SRGAP3: variants seen among roughly 807,000 people sequenced by gnomAD.
SRGAP3 encodes SLIT-ROBO Rho GTPase activating protein 3.
A neutral mutation model predicts 121.1 loss-of-function variants in SRGAP3; 39 were observed. The observed-to-expected ratio is 0.32, with a 90% CI of 0.25 to 0.42. SRGAP3 has a LOEUF of 0.42. SRGAP3 is among the 10% of genes least tolerant of loss of function. The probability of loss-of-function intolerance (pLI) is 1.00; values close to 1 mark genes in which losing one functional copy is unlikely to be tolerated. For synonymous variants in SRGAP3, 601 were observed against 570.0 expected (o/e 1.05, Z -0.77); for missense variants, 1,213 against 1,470.6 (o/e 0.82, Z 2.86).
rs1339477066 is a variant in SRGAP3, at chr3:9,130,815, C to T, written c.68-5898G>A. Among the ~76,000 whole-genome samples, 3 of 152,350 alleles carry T rather than the reference C, an allele frequency of 2.0e-5. No individual in the cohort carries two copies. In the East Asian group the frequency reaches 5.8e-4, roughly 29 times the overall value. On this transcript the variant is annotated intron_variant, in intron 1 of 21. Transcript: ENST00000383836. ...AGCCACAGCCTTCCTCATTACAGAG[C>T]ATTATCAGGAGATGACATTCTCATA...
intron 9 of SRGAP3, among the ~76,000 whole-genome samples, chr3:9,052,666 G>A (rs1187320692): frequency 6.6e-6 from 1 of 152,174 alleles, no homozygotes; most frequent in Non-Finnish European, 1.5e-5. Context: ...CTAAATTTAA[G>A]ACAATTCAAC....
intron 3 of SRGAP3, among the ~76,000 whole-genome samples, chr3:9,316,007 G>C (rs1443862474): frequency 6.6e-6 from 1 of 152,174 alleles, no homozygotes; most frequent in Non-Finnish European, 1.5e-5. Context: ...TCACAGGTTA[G>C]AGTCAAACAG....
At chr3:9,278,204 T>C (rs942902933) in intron 3 of SRGAP3, among the ~76,000 whole-genome samples, 1 of 152,130 alleles carries the variant, frequency 6.6e-6, no homozygotes, top group African/African-American at 2.4e-5. Context: ...TAAACTTGAG[T>C]CTGTTTGATC....
intron 1 of SRGAP3, among the ~76,000 whole-genome samples, chr3:9,229,849 G>T (rs1408425456): frequency 6.6e-6 from 1 of 152,160 alleles, no homozygotes; most frequent in Admixed American, 6.5e-5. Flanking sequence ...CCTGCTAAGC[G>T]CTCTGCTTCC....
intron 3 of SRGAP3, among the ~76,000 whole-genome samples, chr3:9,318,776 G>A (rs1392821293): frequency 6.6e-6 from 1 of 151,512 alleles, no homozygotes; most frequent in African/African-American, 2.4e-5. Context: ...CTACTTAGGA[G>A]GCTGAGATGG....
chr3:9,258,132 T>C (rs1404001917), intron 3 of SRGAP3, among the ~76,000 whole-genome samples: 1 of 152,144 alleles, frequency 6.6e-6, no homozygotes, highest in Non-Finnish European at 1.5e-5. Flanking sequence ...AAACAGGCAA[T>C]TGTAATTCAA....
chr3:9,029,210 T>C (rs539544380), intron 12 of SRGAP3, among the ~76,000 whole-genome samples: 1 of 152,370 alleles, frequency 6.6e-6, no homozygotes, highest in Admixed American at 6.5e-5. Flanking sequence ...GTGCTTACTA[T>C]GTGCCATCCA....
chr3:9,281,679 G>T (rs1433497003), intron 3 of SRGAP3, among the ~76,000 whole-genome samples: 3 of 152,052 alleles, frequency 2.0e-5, no homozygotes, highest in Non-Finnish European at 4.4e-5. Context: ...TTGTTTGTTT[G>T]TTTGTTTGTT....
chr3:9,276,428 GTTT>G (rs61126627), intron 3 of SRGAP3, among the ~76,000 whole-genome samples: 3 of 134,736 alleles, frequency 2.2e-5, no homozygotes, highest in Non-Finnish European at 4.8e-5. Flanking sequence ...TTGACTGTTT[GTTT>G]TTTTTTTTTT....
chr3:9,237,477 T>G (rs1184621106), intron 1 of SRGAP3, among the ~76,000 whole-genome samples: 1 of 152,296 alleles, frequency 6.6e-6, no homozygotes, highest in South Asian at 2.1e-4. Context: ...TCATATAGCT[T>G]TTAGTGCTCT....
intron 1 of SRGAP3, among the ~76,000 whole-genome samples, chr3:9,200,836 A>C (rs1952046131): frequency 6.6e-6 from 1 of 152,222 alleles, no homozygotes; most frequent in Non-Finnish European, 1.5e-5. Flanking sequence ...AGCAATCTAC[A>C]GCTTACTAAG....
chr3:9,266,417 T>C (rs1954369759), intron 3 of SRGAP3, among the ~76,000 whole-genome samples: 2 of 152,086 alleles, frequency 1.3e-5, no homozygotes, highest in Admixed American at 1.3e-4. Flanking sequence ...CAGGGGATCA[T>C]TGTTTAGGCA....
chr3:9,134,706 G>A (rs1323218990), intron 1 of SRGAP3, among the ~76,000 whole-genome samples: 1 of 152,058 alleles, frequency 6.6e-6, no homozygotes, highest in South Asian at 2.1e-4. Context: ...ATCATGTCCT[G>A]TTGTACCTCC....
At chr3:9,075,385 G>A (rs1451030683) in intron 4 of SRGAP3, among the ~76,000 whole-genome samples, 1 of 142,876 alleles carries the variant, frequency 7.0e-6, no homozygotes, top group Non-Finnish European at 1.5e-5. Context: ...GTGTGTGTGT[G>A]TGTGTGCGCG....
chr3:9,262,517 A>T (rs1356525435), intron 3 of SRGAP3, among the ~76,000 whole-genome samples: 1 of 137,798 alleles, frequency 7.3e-6, no homozygotes, highest in Non-Finnish European at 1.5e-5. Flanking sequence ...AGGAAGATTT[A>T]CCAAGCAAAT....
intron 4 of SRGAP3, among the ~76,000 whole-genome samples, chr3:9,068,827 A>G (rs1285875183): frequency 1.3e-5 from 2 of 152,198 alleles, no homozygotes; most frequent in Admixed American, 6.5e-5. Context: ...GAGCATTTCA[A>G]TGAGTCCTTT....
chr3:9,334,058 T>C (rs937845909), intron 1 of SRGAP3, among the ~76,000 whole-genome samples: 3 of 151,926 alleles, frequency 2.0e-5, no homozygotes, highest in Non-Finnish European at 2.9e-5. Context: ...TATTTTAATA[T>C]TAATATTAAT....
intron 3 of SRGAP3, among the ~76,000 whole-genome samples, chr3:9,297,940 T>C (rs1375841744): frequency 1.3e-5 from 2 of 150,226 alleles, no homozygotes; most frequent in Middle Eastern, 3.5e-3. Context: ...AGGACATAGA[T>C]GTGCATTGAA....
chr3:9,016,399 C>T (rs1342782804), intron 14 of SRGAP3, among the ~76,000 whole-genome samples: 2 of 152,124 alleles, frequency 1.3e-5, no homozygotes, highest in African/African-American at 4.8e-5. Context: ...TTGTAGAATG[C>T]CTCACACTCT....
Sources: allele counts gnomAD v4.1 joint callset (sites outside exome capture counted in the v4.1 genomes callset), GRCh38; gene constraint gnomAD v4.1.1; transcripts MANE v1.5; gene names NCBI Gene and HGNC (gene_info 2026-07-23, HGNC 2026-07-21).